Variants in GRIP1 observed in about 807,000 individuals in gnomAD.
GRIP1 encodes the protein glutamate receptor interacting protein 1.
GRIP1 carries 45 observed loss-of-function variants against 129.9 expected under a neutral mutation model. The ratio of observed to expected loss-of-function variants is 0.35; its 90% CI spans 0.27 to 0.44. The LOEUF (loss-of-function observed/expected upper bound fraction) is 0.44, where lower values mean the gene tolerates loss of function less well. GRIP1 is among the 20% of genes least tolerant of loss of function. GRIP1 has a pLI of 1.00. For missense variants in GRIP1, 1,196 were observed against 1,396.8 expected (o/e 0.86, Z 2.29); for synonymous variants, 530 against 520.8 (o/e 1.02, Z -0.24).
At chr12:66,928,483 T>C (rs941272149) in intron 1 of GRIP1, among the ~76,000 whole-genome samples, 1 of 152,188 alleles carries the variant, frequency 6.6e-6, no homozygotes, top group Non-Finnish European at 1.5e-5. Flanking sequence ...TTCCTTGAAT[T>C]AAAAGCAACA....
intron 9 of GRIP1, among the ~76,000 whole-genome samples, chr12:66,459,223 A>T (rs188193403): frequency 6.6e-6 from 1 of 152,240 alleles, no homozygotes; most frequent in African/African-American, 2.4e-5. Context: ...CAGAGTGTCC[A>T]TGTGAACACT....
intron 1 of GRIP1, among the ~76,000 whole-genome samples, chr12:66,851,019 T>C (rs905696): frequency 0.27 from 40,246 of 149,328 alleles, 6,643 homozygotes; most frequent in Non-Finnish European, 0.37. Context: ...TTATACTGAC[T>C]TCATTCCAAA....
chr12:66,920,559 T>C (rs2041195502), intron 1 of GRIP1, among the ~76,000 whole-genome samples: 1 of 152,334 alleles, frequency 6.6e-6, no homozygotes, highest in South Asian at 2.1e-4. Flanking sequence ...AAGGAAGTTA[T>C]AGAAGGAACC....
At chr12:66,392,592 G>T in intron 18 of GRIP1, 85 bp downstream of exon 18, 1 of 1,580,884 alleles carries the variant, frequency 6.3e-7, no homozygotes, top group South Asian at 1.1e-5. Flanking sequence ...TGTTTCCCTA[G>T]AATTACACAC....
At chr12:66,855,388 T>C (rs918587951) in intron 1 of GRIP1, among the ~76,000 whole-genome samples, 8 of 152,000 alleles carry the variant, frequency 5.3e-5, no homozygotes, top group Admixed American at 5.3e-4. Context: ...AGGGATTCAA[T>C]ATTCCCACTT....
intron 1 of GRIP1, among the ~76,000 whole-genome samples, chr12:66,996,040 A>G (rs1257708434): frequency 1.3e-5 from 2 of 152,226 alleles, no homozygotes; most frequent in African/African-American, 4.8e-5. Flanking sequence ...CCAGTTAAAA[A>G]AGACCACATA....
At chr12:67,068,983 A>T in intron 1 of GRIP1, 1 of 735,304 alleles carries the variant, frequency 1.4e-6, no homozygotes, top group Non-Finnish European at 1.7e-6. Flanking sequence ...AGCCGGGGAG[A>T]GGGAGGCACC....
intron 11 of GRIP1, among the ~76,000 whole-genome samples, chr12:66,446,271 C>T (rs2058626351): frequency 6.6e-6 from 1 of 152,094 alleles, no homozygotes; most frequent in South Asian, 2.1e-4. Flanking sequence ...CCATTCTGAA[C>T]TCATGAAAGG....
At chr12:67,034,860 C>G (rs1382804905) in intron 1 of GRIP1, among the ~76,000 whole-genome samples, 2 of 152,220 alleles carry the variant, frequency 1.3e-5, no homozygotes, top group Non-Finnish European at 2.9e-5. Flanking sequence ...CCTCATTATG[C>G]AGCACATGAC....
At chr12:66,898,746 CTCTT>C (rs1275126228) in intron 1 of GRIP1, among the ~76,000 whole-genome samples, 1 of 152,184 alleles carries the variant, frequency 6.6e-6, no homozygotes, top group Non-Finnish European at 1.5e-5. Context: ...TTTTATGACA[CTCTT>C]TCCTAGTCCA....
intron 1 of GRIP1, among the ~76,000 whole-genome samples, chr12:66,951,861 G>C (rs1449417599): frequency 6.8e-6 from 1 of 147,428 alleles, no homozygotes; most frequent in African/African-American, 2.7e-5. Context: ...TAGGTTTCTA[G>C]ATTACAGACC....
intron 1 of GRIP1, among the ~76,000 whole-genome samples, chr12:66,906,600 A>G (rs1299445877): frequency 1.3e-5 from 2 of 152,182 alleles, no homozygotes; most frequent in Non-Finnish European, 2.9e-5. Context: ...CCTCTCAAGC[A>G]TATGCACTCT....
chr12:66,539,256 C>T, intron 3 of GRIP1, 33 bp from the exon 4 acceptor site: 1 of 1,613,554 alleles, frequency 6.2e-7, no homozygotes, highest in Non-Finnish European at 8.5e-7. Flanking sequence ...TCAACAGACC[C>T]ACCCTCTCCA....
chr12:66,715,471 T>TGTGTGAGAGA lies in GRIP1; in HGVS notation c.-419-85136_-419-85135insTCTCTCACAC, dbSNP rs761155485. 9.3e-4 allele frequency among the ~76,000 whole-genome samples: 102 copies of TGTGTGAGAGA among 110,138 alleles called. 2 individuals are homozygous for TGTGTGAGAGA. Among genetic ancestry groups the TGTGTGAGAGA allele is most frequent in the African/African-American group, 3.3e-3 (99 of 29,576 alleles). 72.3% of individuals were successfully genotyped at this position (110,138 alleles called of 152,430 possible). On this transcript the variant is annotated intron_variant, in intron 1 of 4. Coordinates refer to the GRIP1 transcript ENST00000538373. ...AGCTTGATGTGTGTGTGTGTGTGTG[T>TGTGTGAGAGA]GAGAGAGAGAGAGAGAGAGAGAGAG...
At chr12:66,780,604 C>T (rs2038126148) in intron 1 of GRIP1, among the ~76,000 whole-genome samples, 1 of 152,198 alleles carries the variant, frequency 6.6e-6, no homozygotes, top group Non-Finnish European at 1.5e-5. Flanking sequence ...AGCAGCATCC[C>T]ACAATGTCTC....
intron 1 of GRIP1, among the ~76,000 whole-genome samples, chr12:66,754,949 A>G (rs927701209): frequency 6.6e-6 from 1 of 152,126 alleles, no homozygotes; most frequent in African/African-American, 2.4e-5. Flanking sequence ...ACACAAAACT[A>G]TGCCACCCTT....
At chr12:66,836,859 G>T (rs2039623222) in intron 1 of GRIP1, among the ~76,000 whole-genome samples, 1 of 152,152 alleles carries the variant, frequency 6.6e-6, no homozygotes, top group South Asian at 2.1e-4. Flanking sequence ...TGAAGAGGAG[G>T]ATGTTTAGAG....
intron 1 of GRIP1, among the ~76,000 whole-genome samples, chr12:66,927,928 CTGAT>C (rs1477307695): frequency 6.6e-6 from 1 of 152,182 alleles, no homozygotes; most frequent in African/African-American, 2.4e-5. Flanking sequence ...TTTTTAGTCT[CTGAT>C]TGGAGAAGAT....
At chr12:66,640,514 T>C (rs1257307364) in intron 1 of GRIP1, among the ~76,000 whole-genome samples, 3 of 152,220 alleles carry the variant, frequency 2.0e-5, no homozygotes, top group Non-Finnish European at 4.4e-5. Flanking sequence ...AAACGATGTC[T>C]CTCGAAGTTG....
Sources: allele counts gnomAD v4.1 joint callset (sites outside exome capture counted in the v4.1 genomes callset), GRCh38; gene constraint gnomAD v4.1.1; transcripts MANE v1.5; gene names NCBI Gene and HGNC (gene_info 2026-07-23, HGNC 2026-07-21).